Variants in COL25A1 observed in about 807,000 individuals in gnomAD.
COL25A1 encodes collagen type XXV alpha 1 chain, also known as collagen alpha-1(XXV) chain.
In COL25A1, 103 loss-of-function variants were observed where a neutral mutation model predicts 128.4. The ratio of observed to expected loss-of-function variants is 0.80; its 90% CI spans 0.68 to 0.94. The LOEUF (loss-of-function observed/expected upper bound fraction) is 0.94. COL25A1 is among the 40% of genes least tolerant of loss of function. COL25A1 has a pLI of 0.00. For missense variants in COL25A1, 745 were observed against 840.0 expected (o/e 0.89, Z 1.40); for synonymous variants, 279 against 277.2 (o/e 1.01, Z -0.06).
chr4:108,904,557 T>C (rs940667816), intron 13 of COL25A1, among the ~76,000 whole-genome samples: 6 of 152,116 alleles, frequency 3.9e-5, no homozygotes, highest in African/African-American at 1.2e-4. Context: ...TATTACATAA[T>C]AGTGAACATG....
At chr4:109,240,323 G>A (rs191821687) in intron 3 of COL25A1, among the ~76,000 whole-genome samples, 10 of 152,126 alleles carry the variant, frequency 6.6e-5, no homozygotes, top group Middle Eastern at 6.8e-3. Flanking sequence ...ATTGTGCCAT[G>A]ACATCACAAC....
At chr4:109,208,924 T>C (rs1216937002) in intron 3 of COL25A1, among the ~76,000 whole-genome samples, 1 of 152,200 alleles carries the variant, frequency 6.6e-6, no homozygotes, top group Non-Finnish European at 1.5e-5. Flanking sequence ...ACCTCCTGCT[T>C]TTAGCACTGT....
At chr4:109,204,489 A>C (rs1776828750) in intron 3 of COL25A1, among the ~76,000 whole-genome samples, 1 of 152,162 alleles carries the variant, frequency 6.6e-6, no homozygotes, top group Non-Finnish European at 1.5e-5. Context: ...AGAAAAGCAA[A>C]ATACAGTAAT....
intron 27 of COL25A1, 132 bp from the exon 28 acceptor site, chr4:108,846,351 T>C (rs1460589308): frequency 1.5e-6 from 1 of 665,298 alleles, no homozygotes; most frequent in African/African-American, 1.8e-5. Flanking sequence ...GATTTTTGTT[T>C]TTAGGTAGAG....
intron 3 of COL25A1, among the ~76,000 whole-genome samples, chr4:109,192,429 G>A (rs546652679): frequency 6.6e-6 from 1 of 152,084 alleles, no homozygotes; most frequent in Non-Finnish European, 1.5e-5. Flanking sequence ...TCCCCAACTC[G>A]TATGTTGAAG....
intron 3 of COL25A1, among the ~76,000 whole-genome samples, chr4:109,075,817 C>T (rs1306826660): frequency 1.3e-5 from 2 of 152,074 alleles, no homozygotes; most frequent in South Asian, 2.1e-4. Context: ...ACCAAAACAT[C>T]GAGTGTTTCC....
At chr4:108,893,803 T>C (rs1458795161) in intron 16 of COL25A1, among the ~76,000 whole-genome samples, 1 of 152,114 alleles carries the variant, frequency 6.6e-6, no homozygotes, top group Non-Finnish European at 1.5e-5. Context: ...GGAAACAAAT[T>C]ATATGACAGA....
chr4:109,026,100 GCACACACA>G lies in COL25A1; in HGVS notation c.421-15733_421-15726del, dbSNP rs56718544. ...GAAATATCCACATATAAAACACTTTGCACACACACACACACACACACACACACACACAC... is the reference window on the plus strand; with the variant it reads ...GAAATATCCACATATAAAACACTTTGCACACACACACACACACACACACAC... On this transcript the variant is annotated intron_variant, in intron 5 of 37. Transcript: ENST00000399132. Among the ~76,000 whole-genome samples, 121 of 137,160 alleles carry G rather than the reference GCACACACA, an allele frequency of 8.8e-4. 3 individuals are homozygous for G. The highest frequency in any genetic ancestry group is 5.8e-3 in the Admixed American group (79 of 13,512). 90.0% of individuals were successfully genotyped at this position (137,160 alleles called of 152,430 possible).
chr4:109,140,018 T>C (rs1177995144), intron 3 of COL25A1, among the ~76,000 whole-genome samples: 2 of 152,202 alleles, frequency 1.3e-5, no homozygotes, highest in East Asian at 1.9e-4. Flanking sequence ...TTTTTTATGG[T>C]TGCATAGTAT....
chr4:108,933,923 T>C lies in COL25A1; in HGVS notation c.708+3885A>G, dbSNP rs114121982. On this transcript the variant is annotated intron_variant, in intron 11 of 37. Coordinates refer to ENST00000399132, the MANE Select transcript of COL25A1 (RefSeq NM_198721.4). ...TAAGTTTCTAAGAAAAATTTCCTCC[T>C]CACGATTCCTCAAGGATCTAGAACT... is the stretch of plus-strand genomic sequence containing the variant. Among the ~76,000 whole-genome samples, 329 of 152,000 alleles carry C rather than the reference T, an allele frequency of 2.2e-3. 2 individuals are homozygous for C. Among genetic ancestry groups the C allele is most frequent in the African/African-American group, 7.6e-3 (316 of 41,474 alleles).
chr4:108,953,334 G>T (rs11098017), intron 8 of COL25A1, among the ~76,000 whole-genome samples: 6,616 of 152,124 alleles, frequency 0.043, 367 homozygotes, highest in African/African-American at 0.13. Context: ...TTTTCTCAGG[G>T]TTTGTTCAAT....
At chr4:108,998,810 A>G (rs6533397) in intron 6 of COL25A1, among the ~76,000 whole-genome samples, 120,499 of 151,558 alleles carry the variant, frequency 0.8, 49,052 homozygotes, top group East Asian at 1. Context: ...AAATAACACC[A>G]CACATCTACA....
At chr4:109,209,865 C>G (rs1162256792) in intron 3 of COL25A1, among the ~76,000 whole-genome samples, 1 of 151,894 alleles carries the variant, frequency 6.6e-6, no homozygotes, top group African/African-American at 2.4e-5. Context: ...CTAGCCTGGC[C>G]AACATGGTGA....
At chr4:108,827,240 C>A in intron 32 of COL25A1, 52 bp from the exon 33 acceptor site, 2 of 1,420,474 alleles carry the variant, frequency 1.4e-6, no homozygotes, top group Non-Finnish European at 2.0e-6. Flanking sequence ...TACATTCACA[C>A]ACTTTCTCTC....
chr4:108,817,206 T>C (rs1731327825), intron 37 of COL25A1, among the ~76,000 whole-genome samples, 191 bp downstream of exon 37: 1 of 152,166 alleles, frequency 6.6e-6, no homozygotes, highest in Non-Finnish European at 1.5e-5. Context: ...CAAATTGCAG[T>C]GTTTGCTAAG....
At chr4:108,931,447 G>A (rs1746724449) in intron 11 of COL25A1, among the ~76,000 whole-genome samples, 1 of 152,172 alleles carries the variant, frequency 6.6e-6, no homozygotes, top group South Asian at 2.1e-4. Flanking sequence ...ACAAAATTAA[G>A]TAATGAGAGA....
At chr4:109,050,356 T>C (rs557373389) in intron 3 of COL25A1, among the ~76,000 whole-genome samples, 177 bp from the exon 4 acceptor site, 1 of 152,286 alleles carries the variant, frequency 6.6e-6, no homozygotes, top group East Asian at 1.9e-4. Flanking sequence ...ACTCTTAAGG[T>C]TCATTTAATT....
At chr4:109,129,408 C>A (rs1167497463) in intron 3 of COL25A1, among the ~76,000 whole-genome samples, 1 of 152,174 alleles carries the variant, frequency 6.6e-6, no homozygotes, top group Non-Finnish European at 1.5e-5. Context: ...GGATTACAGG[C>A]ATGAGCCACT....
rs138112301 is a variant in COL25A1, at chr4:109,154,727, C to T, written c.368-104548G>A. ...AGAAATTGAAATCCTTGGTGGAAAACGAAAAAACATCTTCCCCAAGGAATT... is the reference window on the plus strand; with the variant it reads ...AGAAATTGAAATCCTTGGTGGAAAATGAAAAAACATCTTCCCCAAGGAATT... On this transcript the variant is annotated intron_variant, in intron 3 of 37. Coordinates refer to ENST00000399132, the MANE Select transcript of COL25A1 (RefSeq NM_198721.4). Among the ~76,000 whole-genome samples, 19 of 152,056 alleles carry T rather than the reference C, an allele frequency of 1.2e-4. No individual in the cohort carries two copies. In the East Asian group the frequency reaches 1.7e-3, roughly 14 times the overall value.
Sources: gnomAD v4.1 joint callset for allele counts (sites outside exome capture counted in the v4.1 genomes callset) on GRCh38, gnomAD v4.1.1 for gene constraint, MANE v1.5 for transcripts, NCBI Gene and HGNC (gene_info 2026-07-23, HGNC 2026-07-21) for gene names.